Variants in MYL10 observed in about 807,000 individuals in gnomAD.
MYL10 encodes the protein myosin regulatory light chain 10.
Under a neutral mutation model 21.9 loss-of-function variants are expected in MYL10, and 18 were observed. The observed-to-expected ratio is 0.82, with a 90% CI of 0.57 to 1.22. The LOEUF is 1.22. Ranked by LOEUF, MYL10 falls within the 50% of genes most tolerant of loss-of-function variation. MYL10 has a pLI of 0.00. For synonymous variants in MYL10, 88 were observed against 82.8 expected (o/e 1.06, Z -0.34); for missense variants, 225 against 230.4 (o/e 0.98, Z 0.15).
chr7:101,621,670 C>A (rs1157913177), intron 5 of MYL10, among the ~76,000 whole-genome samples: 1 of 151,952 alleles, frequency 6.6e-6, no homozygotes, highest in Non-Finnish European at 1.5e-5. Flanking sequence ...CTCACTGCAA[C>A]CTTCACCTCC....
chr7:101,622,147 CG>C lies in MYL10; in HGVS notation c.402del (p.Gly135AspfsTer9). ...AGGAACACCGTGAAGTTGATGGGTC[CG>C]GGGGCCTCCTTCACCATGGCCTCCA... ...EELEAMVKEA[P>X]GPINFTVFLT... is the part of the protein sequence containing the mutation. On this transcript the variant is annotated frameshift_variant, in exon 5 of 8. Coordinates refer to ENST00000223167, the MANE Select transcript of MYL10 (RefSeq NM_138403.5). LOFTEE classifies it high-confidence loss of function. 4 of 1,613,616 alleles carry C rather than the reference CG, an allele frequency of 2.5e-6. No individual in the cohort carries two copies. The highest frequency in any genetic ancestry group is 3.3e-5 in the Admixed American group (2 of 59,962).
chr7:101,616,568 G>A (rs988886916), intron 5 of MYL10, among the ~76,000 whole-genome samples: 2 of 152,212 alleles, frequency 1.3e-5, no homozygotes, highest in Admixed American at 1.3e-4. Context: ...AACTGTACAC[G>A]GAGACCCTGA....
chr7:101,619,112 C>A (rs1796645314), intron 5 of MYL10, among the ~76,000 whole-genome samples: 1 of 152,228 alleles, frequency 6.6e-6, no homozygotes, highest in Non-Finnish European at 1.5e-5. Context: ...CTTCCCCAGG[C>A]CCTCCCACTG....
chr7:101,627,671 G>A (rs1331058999), intron 1 of MYL10, among the ~76,000 whole-genome samples: 1 of 152,240 alleles, frequency 6.6e-6, no homozygotes, highest in Non-Finnish European at 1.5e-5. Flanking sequence ...GGGGGAATCC[G>A]TGGGCAAATA....
chr7:101,619,203 G>A (rs1203397896), intron 5 of MYL10, among the ~76,000 whole-genome samples: 2 of 152,214 alleles, frequency 1.3e-5, no homozygotes, highest in Non-Finnish European at 2.9e-5. Context: ...TTGCTGGCTG[G>A]AGTCACACAT....
chr7:101,622,219 G>T lies in MYL10; in HGVS notation c.350-19C>A, dbSNP rs921311644. ...ATGCGGCCTGTGGGAGGTGAGAGGT[G>T]GGGGCAGGGAGGATAAGAGAGATCA... is the stretch of plus-strand genomic sequence containing the variant. On this transcript the variant is annotated intron_variant, in intron 4 of 7. Transcript: ENST00000223167. 1.3e-6 allele frequency: 2 copies of T among 1,592,658 alleles called. No homozygotes were observed. The highest frequency in any genetic ancestry group is 1.7e-6 in the Non-Finnish European group (2 of 1,162,426).
intron 3 of MYL10, among the ~76,000 whole-genome samples, chr7:101,623,277 A>G (rs904606212): frequency 3.9e-5 from 6 of 152,194 alleles, no homozygotes; most frequent in South Asian, 2.1e-4. Flanking sequence ...AGGCTCAGAG[A>G]GAGAAAAGTC....
At chr7:101,616,375 G>T in intron 5 of MYL10, 77 bp from the exon 6 acceptor site, 1 of 1,152,370 alleles carries the variant, frequency 8.7e-7, no homozygotes, top group Admixed American at 1.9e-5. Flanking sequence ...GGCTGGGCAG[G>T]GGCTGGGGCT....
At chr7:101,622,618 C>T (rs73173968) in intron 4 of MYL10, among the ~76,000 whole-genome samples, 3 of 152,226 alleles carry the variant, frequency 2.0e-5, no homozygotes, top group African/African-American at 2.4e-5. Flanking sequence ...CCTGCATAGG[C>T]GACTTCAGGC....
At chr7:101,624,784 TG>T (rs753382039) in intron 1 of MYL10, among the ~76,000 whole-genome samples, 1 of 152,114 alleles carries the variant, frequency 6.6e-6, no homozygotes, top group Non-Finnish European at 1.5e-5. Context: ...TCCCAGCGTT[TG>T]CCCCTGCCTG....
intron 6 of MYL10, 143 bp from the exon 7 acceptor site, chr7:101,613,853 C>T: frequency 1.3e-6 from 1 of 751,484 alleles, no homozygotes; most frequent in East Asian, 2.5e-5. Flanking sequence ...ACCCTGCCAG[C>T]CCCCCCGATG....
chr7:101,626,821 C>T (rs1259494963), intron 1 of MYL10, among the ~76,000 whole-genome samples: 1 of 152,170 alleles, frequency 6.6e-6, no homozygotes, highest in East Asian at 1.9e-4. Flanking sequence ...TCAGGACCCA[C>T]GTGGAGAGGA....
At chr7:101,618,043 TC>T (rs1346103980) in intron 5 of MYL10, among the ~76,000 whole-genome samples, 3 of 152,228 alleles carry the variant, frequency 2.0e-5, no homozygotes, top group African/African-American at 7.2e-5. Context: ...CATCTGTGCC[TC>T]CCCCATCGGA....
intron 1 of MYL10, among the ~76,000 whole-genome samples, chr7:101,628,190 A>T (rs1459255894): frequency 1.3e-5 from 2 of 152,228 alleles, no homozygotes; most frequent in African/African-American, 4.8e-5. Context: ...GCAGTGGCTC[A>T]CGCCTGTAAT....
intron 1 of MYL10, 165 bp from the exon 2 acceptor site, chr7:101,624,429 A>G (rs1796721144): frequency 6.4e-6 from 1 of 157,140 alleles, no homozygotes; most frequent in African/African-American, 2.4e-5. Flanking sequence ...GCAGGTAATC[A>G]GGACGTTTTC....
chr7:101,622,072 C>A (rs781311417), intron 5 of MYL10, 24 bp downstream of exon 5: 11 of 1,588,596 alleles, frequency 6.9e-6, no homozygotes, highest in Non-Finnish European at 8.6e-6. Flanking sequence ...GCTGCCCCTC[C>A]AGGACTCCAG....
At position 101,616,294 on chromosome 7, in the gene MYL10, C is replaced by T. The variant is rs567400190; in HGVS notation, c.459G>A (p.Thr153=). The T allele has an allele frequency of 1.8e-5, 29 of 1,613,818 alleles. No homozygotes were observed. The highest frequency in any genetic ancestry group is 1.3e-4 in the Admixed American group (8 of 60,028). ...CGTGGAGAATGGTCTCCTCTGGGTC[C>T]GTGCCTATAAGCAGCACATACAGGG... is the stretch of plus-strand genomic sequence containing the variant. The part of the protein sequence containing the change: ...LTMFGEKLKG[T]DPEETILHAF... Residue 153 remains threonine (T), a synonymous_variant, in exon 6 of 8, where the codon ACG becomes ACA. Transcript: ENST00000223167.
At chr7:101,623,139 G>A (rs1326063553) in intron 3 of MYL10, 67 bp from the exon 4 acceptor site, 15 of 1,472,428 alleles carry the variant, frequency 1.0e-5, no homozygotes, top group Middle Eastern at 1.7e-4. Flanking sequence ...CCCAGGGACC[G>A]TCCTCCTGCC....
chr7:101,620,134 C>T (rs1180518800), intron 5 of MYL10, among the ~76,000 whole-genome samples: 1 of 151,984 alleles, frequency 6.6e-6, no homozygotes, highest in Non-Finnish European at 1.5e-5. Context: ...CCAGCCTGGC[C>T]AATGTAGTGA....
Sources: gnomAD v4.1 joint callset for allele counts (sites outside exome capture counted in the v4.1 genomes callset) on GRCh38, gnomAD v4.1.1 for gene constraint, MANE v1.5 for transcripts, NCBI Gene and HGNC (gene_info 2026-07-23, HGNC 2026-07-21) for gene names.